Variants in PDLIM5 observed in about 807,000 individuals in gnomAD.
PDLIM5 encodes the protein PDZ and LIM domain 5.
In PDLIM5, 34 loss-of-function variants were observed where a neutral mutation model predicts 64.2. The observed-to-expected ratio is 0.53, with a 90% CI of 0.40 to 0.71. PDLIM5 has a LOEUF of 0.71. Among genes scored for constraint, PDLIM5 ranks in the 30% least tolerant of loss-of-function variants. The pLI, the probability that PDLIM5 is intolerant of heterozygous loss-of-function variation, is 0.00. For missense variants in PDLIM5, 683 were observed against 733.6 expected, an observed-to-expected ratio of 0.93 and a Z score of 0.80; for synonymous variants, 253 against 269.1, an observed-to-expected ratio of 0.94 and a Z score of 0.59.
intron 2 of PDLIM5, among the ~76,000 whole-genome samples, chr4:94,493,836 T>C (rs573008589): frequency 1.3e-5 from 2 of 152,340 alleles, no homozygotes; most frequent in African/African-American, 2.4e-5. Flanking sequence ...TAGACTATTG[T>C]AATCTGCCTT....
At chr4:94,629,059 G>A (rs1739928618) in intron 8 of PDLIM5, among the ~76,000 whole-genome samples, 1 of 152,054 alleles carries the variant, frequency 6.6e-6, no homozygotes, top group South Asian at 2.1e-4. Flanking sequence ...AGATGATTTA[G>A]AAGATTCTGG....
intron 2 of PDLIM5, among the ~76,000 whole-genome samples, chr4:94,486,794 G>C (rs1726379759): frequency 6.6e-6 from 1 of 152,102 alleles, no homozygotes; most frequent in Admixed American, 6.6e-5. Context: ...TTGGGGCCAG[G>C]AATTTGAGAC....
chr4:94,535,357 T>C (rs898571683), intron 3 of PDLIM5, among the ~76,000 whole-genome samples: 1 of 152,172 alleles, frequency 6.6e-6, no homozygotes, highest in Non-Finnish European at 1.5e-5. Context: ...GAAGTCTGGC[T>C]TTGCTCCTGT....
intron 8 of PDLIM5, among the ~76,000 whole-genome samples, chr4:94,636,786 C>T (rs944213540): frequency 1.3e-5 from 2 of 152,076 alleles, no homozygotes; most frequent in Non-Finnish European, 2.9e-5. Context: ...CCGCCCGCCT[C>T]GGCCTCCCAA....
intron 3 of PDLIM5, among the ~76,000 whole-genome samples, chr4:94,539,252 A>G (rs532448179): frequency 6.6e-6 from 1 of 152,218 alleles, no homozygotes; most frequent in Non-Finnish European, 1.5e-5. Context: ...ATATGTGTCT[A>G]TGTATAATAT....
chr4:94,533,295 GT>G (rs912195111), intron 3 of PDLIM5, among the ~76,000 whole-genome samples: 1 of 151,418 alleles, frequency 6.6e-6, no homozygotes, highest in Non-Finnish European at 1.5e-5. Flanking sequence ...CATCTTGAAA[GT>G]TTTTTTTTAA....
intron 3 of PDLIM5, among the ~76,000 whole-genome samples, chr4:94,564,252 G>A (rs530136829): frequency 8.5e-5 from 13 of 152,128 alleles, no homozygotes; most frequent in South Asian, 2.1e-4. Flanking sequence ...ATGAGCCATC[G>A]TGCCCGGCCT....
chr4:94,512,639 TG>T (rs776477896), intron 2 of PDLIM5, among the ~76,000 whole-genome samples: 2 of 152,002 alleles, frequency 1.3e-5, no homozygotes, highest in Non-Finnish European at 2.9e-5. Context: ...TTCATAGCGT[TG>T]TTTGTCAGAT....
At chr4:94,648,275 A>G (rs1226512850) in intron 9 of PDLIM5, among the ~76,000 whole-genome samples, 1 of 152,188 alleles carries the variant, frequency 6.6e-6, no homozygotes, top group East Asian at 1.9e-4. Flanking sequence ...AGAAAAAAAA[A>G]AAGAAGACTC....
intron 5 of PDLIM5, chr4:94,582,579 C>T: frequency 1.7e-6 from 1 of 583,692 alleles, no homozygotes; most frequent in Non-Finnish European, 3.1e-6. Context: ...CACTGAAAAT[C>T]ATTGTTTTGA....
chr4:94,659,130 T>C (rs6532495), intron 11 of PDLIM5, among the ~76,000 whole-genome samples: 86,286 of 152,010 alleles, frequency 0.57, 24,698 homozygotes, highest in African/African-American at 0.59. Flanking sequence ...CAACTTGGTC[T>C]GTTTTTGTTC....
chr4:94,525,538 C>T (rs955137121), intron 3 of PDLIM5, among the ~76,000 whole-genome samples: 1 of 151,906 alleles, frequency 6.6e-6, no homozygotes, highest in Non-Finnish European at 1.5e-5. Context: ...TTGTGAAAAA[C>T]ACTTAGGCAG....
intron 2 of PDLIM5, 89 bp from the exon 3 acceptor site, chr4:94,523,635 C>T: frequency 1.1e-6 from 1 of 913,542 alleles, no homozygotes; most frequent in East Asian, 2.6e-5. Context: ...TATTAATATA[C>T]TTTTGGTATA....
chr4:94,572,099 T>C (rs1217675403), intron 3 of PDLIM5, among the ~76,000 whole-genome samples: 2 of 152,144 alleles, frequency 1.3e-5, no homozygotes, highest in African/African-American at 4.8e-5. Context: ...CCGAATATCC[T>C]GTGCTAGTGT....
At chr4:94,663,874 T>G in intron 12 of PDLIM5, 104 bp from the exon 13 acceptor site, 1 of 1,154,348 alleles carries the variant, frequency 8.7e-7, no homozygotes, top group Non-Finnish European at 1.2e-6. Context: ...TTTGTCATAT[T>G]ATCCATTGGG....
intron 3 of PDLIM5, among the ~76,000 whole-genome samples, chr4:94,569,191 G>A (rs1734590134): frequency 1.3e-5 from 2 of 152,182 alleles, no homozygotes; most frequent in Admixed American, 6.5e-5. Context: ...TGCTTGGGTT[G>A]ACACTGATTT....
chr4:94,604,570 G>A (rs1737760602), intron 7 of PDLIM5, among the ~76,000 whole-genome samples: 1 of 152,158 alleles, frequency 6.6e-6, no homozygotes, highest in Non-Finnish European at 1.5e-5. Flanking sequence ...GGAGGTGGAG[G>A]TTGCAGTGAG....
At chr4:94,661,438 A>G (rs1742706459) in intron 11 of PDLIM5, among the ~76,000 whole-genome samples, 1 of 152,190 alleles carries the variant, frequency 6.6e-6, no homozygotes, top group Non-Finnish European at 1.5e-5. Flanking sequence ...TTAGTAATAG[A>G]GAAACATCTC....
chr4:94,549,673 ATCTG>A (rs1174930870), intron 3 of PDLIM5: 1 of 152,210 alleles, frequency 6.6e-6, no homozygotes, highest in African/African-American at 2.4e-5. Flanking sequence ...TGTGCGTAGT[ATCTG>A]TGTACGTTTG....
Sources: allele counts gnomAD v4.1 joint callset (sites outside exome capture counted in the v4.1 genomes callset), GRCh38; gene constraint gnomAD v4.1.1; transcripts MANE v1.5; gene names NCBI Gene and HGNC (gene_info 2026-07-23, HGNC 2026-07-21).